LAMC3: variants seen among roughly 807,000 people sequenced by gnomAD.
The protein encoded by LAMC3 is laminin subunit gamma 3.
LAMC3 carries 128 observed loss-of-function variants against 173.8 expected under a neutral mutation model. The ratio of observed to expected loss-of-function variants is 0.74; its 90% CI spans 0.64 to 0.85. LAMC3 has a LOEUF of 0.85. Ranked by LOEUF, LAMC3 falls within the 40% of genes least tolerant of loss-of-function variation. LAMC3 has a pLI of 0.00. For missense variants in LAMC3, 2,022 were observed against 2,156.0 expected, an observed-to-expected ratio of 0.94 and a Z score of 1.23; for synonymous variants, 897 against 909.1, an observed-to-expected ratio of 0.99 and a Z score of 0.24.
chr9:131,081,931 C>T (rs901800141), intron 23 of LAMC3, 128 bp from the exon 24 acceptor site: 8 of 706,782 alleles, frequency 1.1e-5, no homozygotes, highest in Admixed American at 2.0e-5. Context: ...TGGTGGACAG[C>T]GTGACCCAGC....
rs573842202 is a variant in LAMC3, at chr9:131,054,077, G to A, written c.1939+1112G>A. 2.0e-5 allele frequency among the ~76,000 whole-genome samples: 3 copies of A among 152,192 alleles called. No individual in the cohort carries two copies. The East Asian group carries it at 5.8e-4, about 29-fold the overall frequency. On this transcript the variant is annotated intron_variant, in intron 11 of 27. Coordinates refer to ENST00000361069, the MANE Select transcript of LAMC3 (RefSeq NM_006059.4). ...AAAATGAAGCTGAGCTCTAGGCTCAGATGTTTACAAAGGGGTTTTTCTACC... is the reference window on the plus strand; with the variant it reads ...AAAATGAAGCTGAGCTCTAGGCTCAAATGTTTACAAAGGGGTTTTTCTACC...
At chr9:131,066,492 C>CAATAAT (rs112841264) in intron 13 of LAMC3, among the ~76,000 whole-genome samples, 69 of 149,698 alleles carry the variant, frequency 4.6e-4, no homozygotes, top group Admixed American at 1.3e-3. Context: ...GACTCCATCT[C>CAATAAT]AATAATAATA....
chr9:131,049,274 T>A, intron 9 of LAMC3, 144 bp downstream of exon 9: 1 of 690,372 alleles, frequency 1.4e-6, no homozygotes, highest in Non-Finnish European at 2.7e-6. Flanking sequence ...CTCTCGGAGC[T>A]AACATCAAGG....
intron 20 of LAMC3, among the ~76,000 whole-genome samples, chr9:131,075,172 G>A (rs1386624041): frequency 3.3e-5 from 5 of 152,170 alleles, no homozygotes; most frequent in Admixed American, 1.3e-4. Flanking sequence ...GAAGGCTGAG[G>A]CGAGAGGATC....
rs1049682979 is a variant in LAMC3, at chr9:131,046,893, A to G, written c.1519+1233A>G. ...GGCCGACGCTGGGGCGGCCCCAGAC[A>G]TGAGGGCCGCGCGCCCTCTGCTGGA... On this transcript the variant is annotated intron_variant, in intron 8 of 27. Transcript: ENST00000361069. Among the ~76,000 whole-genome samples the G allele has an allele frequency of 3.3e-5, 5 of 152,056 alleles. No homozygotes were observed. The South Asian group carries it at 8.3e-4, about 25-fold the overall frequency.
At chr9:131,016,549 A>C (rs556956021) in intron 1 of LAMC3, among the ~76,000 whole-genome samples, 153 of 152,368 alleles carry the variant, frequency 1.0e-3, no homozygotes, top group African/African-American at 3.5e-3. Context: ...GTCCTAATGC[A>C]TGAAAACATT....
At position 131,009,618 on chromosome 9, in the gene LAMC3, A is replaced by C. The variant is rs777380867; in HGVS notation, c.373+31A>C. 1.9e-6 allele frequency: 3 copies of C among 1,553,748 alleles called. No homozygotes were observed. Among genetic ancestry groups the C allele is most frequent in the Non-Finnish European group, 2.6e-6 (3 of 1,151,162 alleles). On this transcript the variant is annotated intron_variant, in intron 1 of 27. Coordinates refer to ENST00000361069, the MANE Select transcript of LAMC3 (RefSeq NM_006059.4). This position sits in a 1 kb window ranked among gnomAD's most constrained non-coding sequence, Gnocchi z 4.3. ...CGCGGGCTGGGGGCACCGCCACCGC[A>C]CCCCGTGTCCCCACTCCACTGGGGG...
intron 9 of LAMC3, among the ~76,000 whole-genome samples, chr9:131,049,958 G>A (rs974674790): frequency 7.2e-5 from 11 of 152,264 alleles, no homozygotes; most frequent in South Asian, 2.1e-4. Context: ...CAGCACCCCC[G>A]ACCAGCTCTG....
rs751998677 is a variant in LAMC3 at position 131,036,136 on chromosome 9, G to C, written c.810-30G>C. 4.3e-6 allele frequency: 7 copies of C among 1,612,280 alleles called. No individual in the cohort carries two copies. The African/African-American group carries it at 6.7e-5, about 15-fold the overall frequency. On this transcript the variant is annotated intron_variant, in intron 3 of 27. Transcript: ENST00000361069. ...TTGTCTGCCCTGCCGGCACCTGCGG[G>C]TCCCCTTCCTCCTCTGTGTCTTTTC...
chr9:131,038,134 C>T (rs1455562234), intron 4 of LAMC3, among the ~76,000 whole-genome samples: 3 of 152,250 alleles, frequency 2.0e-5, no homozygotes, highest in African/African-American at 7.2e-5. Context: ...GCCTATTCCT[C>T]ACTGCTCAGC....
At chr9:131,021,039 G>T (rs1173317189) in intron 1 of LAMC3, 1 of 152,170 alleles carries the variant, frequency 6.6e-6, no homozygotes, top group East Asian at 1.9e-4. Flanking sequence ...ACCAGCTGAG[G>T]ATGGTAGGGG....
intron 24 of LAMC3, among the ~76,000 whole-genome samples, chr9:131,084,976 T>C (rs1440615155): frequency 6.6e-6 from 1 of 152,038 alleles, no homozygotes; most frequent in African/African-American, 2.4e-5. Context: ...AACATTTCCC[T>C]TTTTGTCTTG....
At chr9:131,069,173 C>T (rs911607619) in intron 16 of LAMC3, 123 bp downstream of exon 16, 10 of 1,135,462 alleles carry the variant, frequency 8.8e-6, no homozygotes, top group Admixed American at 4.0e-5. Context: ...GACAGGGTCC[C>T]GAGAGCAGCC....
intron 1 of LAMC3, among the ~76,000 whole-genome samples, chr9:131,015,419 G>A (rs954824817): frequency 3.3e-5 from 5 of 151,994 alleles, no homozygotes; most frequent in African/African-American, 7.2e-5. Context: ...CCTTGTCCCC[G>A]GGCAAGCCCT....
intron 23 of LAMC3, among the ~76,000 whole-genome samples, chr9:131,080,698 A>ATCT (rs1830223414): frequency 3.9e-5 from 6 of 152,080 alleles, no homozygotes; most frequent in Non-Finnish European, 7.4e-5. Flanking sequence ...CCCCCGGGGT[A>ATCT]GCACCTGCTG....
intron 1 of LAMC3, among the ~76,000 whole-genome samples, chr9:131,016,860 G>A (rs1028031110): frequency 6.6e-6 from 1 of 152,238 alleles, no homozygotes; most frequent in Non-Finnish European, 1.5e-5. Flanking sequence ...TCCATTTTCC[G>A]TGTTTCTACA....
intron 1 of LAMC3, among the ~76,000 whole-genome samples, chr9:131,022,702 C>T (rs1017373819): frequency 6.6e-6 from 1 of 151,684 alleles, no homozygotes; most frequent in African/African-American, 2.4e-5. Context: ...CTGGGATATG[C>T]AAGCCACCAC....
intron 14 of LAMC3, among the ~76,000 whole-genome samples, chr9:131,067,505 G>A (rs1246103943): frequency 1.6e-4 from 25 of 152,138 alleles, no homozygotes; most frequent in Non-Finnish European, 2.4e-4. Flanking sequence ...CCCGGTGATC[G>A]CCCTGCGCCG....
In LAMC3 at chr9:131,079,184, G is replaced by C. The variant is rs1399032553; in HGVS notation, c.3813G>C (p.Lys1271Asn). Reference protein sequence around the residue: ...QKSRAEDLGLKAKALEKTVAS... With the variant: ...QKSRAEDLGLNAKALEKTVAS... Reference sequence around the variant, plus strand: ...CCCGGGCTGAAGACCTGGGCCTGAAGGCGAAGGCCCTGGAGAAGACAGTTG... The same window carrying C: ...CCCGGGCTGAAGACCTGGGCCTGAACGCGAAGGCCCTGGAGAAGACAGTTG... Residue 1271 changes from lysine to asparagine, a missense_variant, in exon 23 of 28, where the codon AAG becomes AAC. By Grantham distance (94) the Lys-to-Asn change is moderately conservative. Coordinates refer to ENST00000361069, the MANE Select transcript of LAMC3 (RefSeq NM_006059.4). 1 of 1,613,962 alleles carries C rather than the reference G, an allele frequency of 6.2e-7. No individual in the cohort carries two copies. Among genetic ancestry groups the C allele is most frequent in the South Asian group, 1.1e-5 (1 of 91,016 alleles).
Sources: allele counts gnomAD v4.1 joint callset (sites outside exome capture counted in the v4.1 genomes callset), GRCh38; gene constraint gnomAD v4.1.1; non-coding constraint Gnocchi (gnomAD v3.1); transcripts MANE v1.5; gene names NCBI Gene and HGNC (gene_info 2026-07-23, HGNC 2026-07-21).